Variants in NYAP2 observed in about 807,000 individuals in gnomAD.
The protein encoded by NYAP2 is neuronal tyrosine-phosphorylated phosphoinositide-3-kinase adaptor 2.
In NYAP2, 23 loss-of-function variants were observed where a neutral mutation model predicts 50.4. The ratio of observed to expected loss-of-function variants is 0.46; its 90% CI spans 0.33 to 0.65. The LOEUF (loss-of-function observed/expected upper bound fraction) is 0.65. Ranked by LOEUF, NYAP2 falls within the 30% of genes least tolerant of loss-of-function variation. The pLI, the probability that NYAP2 is intolerant of heterozygous loss-of-function variation, is 0.02. For synonymous variants in NYAP2, 394 were observed against 365.2 expected (o/e 1.08, Z -0.90); for missense variants, 885 against 861.0 (o/e 1.03, Z -0.35).
At chr2:225,522,061 T>C (rs1036956671) in intron 4 of NYAP2, among the ~76,000 whole-genome samples, 1 of 152,204 alleles carries the variant, frequency 6.6e-6, no homozygotes, top group African/African-American at 2.4e-5. Context: ...TTTATTTGCA[T>C]AGAGGTGTTT....
intron 2 of NYAP2, among the ~76,000 whole-genome samples, chr2:225,407,411 A>T (rs557947260): frequency 1.8e-4 from 27 of 152,102 alleles, no homozygotes; most frequent in African/African-American, 6.0e-4. Context: ...GAGTCAACAA[A>T]CAACCTTATC....
At chr2:225,464,986 T>C (rs1689893861) in intron 3 of NYAP2, among the ~76,000 whole-genome samples, 1 of 152,220 alleles carries the variant, frequency 6.6e-6, no homozygotes, top group African/African-American at 2.4e-5. Context: ...TTTATTCAAT[T>C]ACTGGCAAAA....
intron 4 of NYAP2, among the ~76,000 whole-genome samples, chr2:225,535,756 G>T (rs1009812626): frequency 6.6e-6 from 1 of 152,136 alleles, no homozygotes; most frequent in African/African-American, 2.4e-5. Context: ...GACAGATGGT[G>T]GTTGCTTAGA....
At chr2:225,661,221 G>A in the NYAP2 span, among the ~76,000 whole-genome samples, 1 of 152,180 alleles carries the variant, frequency 6.6e-6, no homozygotes, top group Non-Finnish European at 1.5e-5. Context: ...TGTGCATTAG[G>A]AATAAATGTT....
chr2:225,451,311 T>C (rs1441208230), intron 3 of NYAP2, among the ~76,000 whole-genome samples: 1 of 152,220 alleles, frequency 6.6e-6, no homozygotes. Flanking sequence ...AAGGCTTTTT[T>C]CTAAGAATTT....
chr2:225,475,488 T>A (rs1036880344), intron 3 of NYAP2, among the ~76,000 whole-genome samples: 1 of 152,216 alleles, frequency 6.6e-6, no homozygotes, highest in African/African-American at 2.4e-5. Flanking sequence ...AGTATAAATT[T>A]TAAATAAGGT....
intron 4 of NYAP2, among the ~76,000 whole-genome samples, chr2:225,579,425 C>G (rs1002383055): frequency 7.2e-5 from 11 of 152,222 alleles, no homozygotes; most frequent in Non-Finnish European, 1.6e-4. Flanking sequence ...GATTCCTTCT[C>G]AATTAGCAGT....
chr2:225,483,088 T>A (rs1266984626), intron 3 of NYAP2, among the ~76,000 whole-genome samples: 1 of 152,218 alleles, frequency 6.6e-6, no homozygotes, highest in East Asian at 1.9e-4. Flanking sequence ...TGTGAAAATC[T>A]GTCATTTATT....
chr2:225,619,546 G>A (rs1245912367), intron 5 of NYAP2, among the ~76,000 whole-genome samples: 1 of 152,156 alleles, frequency 6.6e-6, no homozygotes, highest in East Asian at 1.9e-4. Context: ...TAATGTATGG[G>A]GTCAGACCTA....
At chr2:225,683,247 T>G in the NYAP2 span, among the ~76,000 whole-genome samples, 1 of 152,216 alleles carries the variant, frequency 6.6e-6, no homozygotes, top group Admixed American at 6.5e-5. Context: ...TCCCTATCTA[T>G]AGATGAGAAT....
chr2:225,567,951 C>T (rs1691990667), intron 4 of NYAP2, among the ~76,000 whole-genome samples: 1 of 152,124 alleles, frequency 6.6e-6, no homozygotes, highest in Non-Finnish European at 1.5e-5. Context: ...TCAGAGCAAT[C>T]CCACATGGCA....
At chr2:225,469,664 G>A (rs1689981372) in intron 3 of NYAP2, among the ~76,000 whole-genome samples, 5 of 152,186 alleles carry the variant, frequency 3.3e-5, no homozygotes, top group Admixed American at 2.6e-4. Flanking sequence ...GGAATACTAT[G>A]CAACCATAAA....
At chr2:225,417,252 G>T (rs182502913) in intron 3 of NYAP2, among the ~76,000 whole-genome samples, 1 of 152,106 alleles carries the variant, frequency 6.6e-6, no homozygotes, top group Non-Finnish European at 1.5e-5. Flanking sequence ...TAGAGCCTGA[G>T]CATGCTAATA....
intron 4 of NYAP2, among the ~76,000 whole-genome samples, chr2:225,541,892 T>C (rs1267337632): frequency 6.6e-6 from 1 of 152,194 alleles, no homozygotes; most frequent in Non-Finnish European, 1.5e-5. Flanking sequence ...ATGGAAATCT[T>C]AACATTATTG....
chr2:225,675,592 C>G, the NYAP2 span, among the ~76,000 whole-genome samples: 1 of 152,088 alleles, frequency 6.6e-6, no homozygotes, highest in Non-Finnish European at 1.5e-5. Flanking sequence ...CTATTGTGAA[C>G]AGTGCTCCAA....
At chr2:225,701,648 G>A in the NYAP2 span, 1 of 151,626 alleles carries the variant, frequency 6.6e-6, no homozygotes, top group South Asian at 2.1e-4. Flanking sequence ...CGCCAAATGT[G>A]ATGGATTTAT....
At chr2:225,468,761 G>C (rs1689964824) in intron 3 of NYAP2, among the ~76,000 whole-genome samples, 1 of 152,118 alleles carries the variant, frequency 6.6e-6, no homozygotes, top group African/African-American at 2.4e-5. Flanking sequence ...AGACAGAGGA[G>C]GAATAAGTCA....
At chr2:225,523,320 C>A (rs1342909585) in intron 4 of NYAP2, among the ~76,000 whole-genome samples, 3 of 149,752 alleles carry the variant, frequency 2.0e-5, no homozygotes, top group Admixed American at 1.3e-4. Flanking sequence ...TCTAGAAAAA[C>A]CTAAAGATAC....
intron 3 of NYAP2, among the ~76,000 whole-genome samples, chr2:225,447,541 A>G (rs772210190): frequency 1.1e-4 from 16 of 152,184 alleles, no homozygotes; most frequent in Non-Finnish European, 2.2e-4. Flanking sequence ...GTAGGCTACT[A>G]GCACCAAAAA....
Sources: allele counts gnomAD v4.1 joint callset (sites outside exome capture counted in the v4.1 genomes callset), GRCh38; gene constraint gnomAD v4.1.1; transcripts MANE v1.5; gene names NCBI Gene and HGNC (gene_info 2026-07-23, HGNC 2026-07-21).